Variants in LEF1 observed in about 807,000 individuals in gnomAD.
LEF1 encodes lymphoid enhancer binding factor 1.
In LEF1, 14 loss-of-function variants were observed where a neutral mutation model predicts 51.2. The observed-to-expected ratio is 0.27, with a 90% CI of 0.18 to 0.43. The LOEUF is 0.43. Among genes scored for constraint, LEF1 ranks in the 20% least tolerant of loss-of-function variants. LEF1 has a pLI of 1.00. For missense variants in LEF1, 386 were observed against 512.0 expected, an observed-to-expected ratio of 0.75 and a Z score of 2.37; for synonymous variants, 185 against 183.2, an observed-to-expected ratio of 1.01 and a Z score of -0.08.
intron 3 of LEF1, among the ~76,000 whole-genome samples, chr4:108,097,978 A>T (rs1206524420): frequency 6.6e-6 from 1 of 152,196 alleles, no homozygotes; most frequent in African/African-American, 2.4e-5. Context: ...GACATGAGGC[A>T]ACCCCAGGGA....
chr4:108,092,939 A>AC (rs751032339), intron 3 of LEF1, among the ~76,000 whole-genome samples: 5,465 of 90,692 alleles, frequency 0.06, 446 homozygotes, highest in African/African-American at 0.084. Flanking sequence ...AAAAAAAAAA[A>AC]AAAAAAAAAA....
intron 11 of LEF1, among the ~76,000 whole-genome samples, chr4:108,058,561 A>G (rs540969421): frequency 2.4e-4 from 36 of 152,104 alleles, no homozygotes; most frequent in African/African-American, 8.5e-4. Flanking sequence ...CTGTGCTATC[A>G]AACCCCCAAA....
At chr4:108,155,761 G>C (rs1190250178) in intron 3 of LEF1, among the ~76,000 whole-genome samples, 1 of 152,198 alleles carries the variant, frequency 6.6e-6, no homozygotes, top group Non-Finnish European at 1.5e-5. Flanking sequence ...TTCAGAAGAA[G>C]ATGATGGAGA....
chr4:108,053,921 C>T (rs775615797), intron 11 of LEF1, among the ~76,000 whole-genome samples: 1 of 152,212 alleles, frequency 6.6e-6, no homozygotes, highest in Non-Finnish European at 1.5e-5. Flanking sequence ...CCACATTTCT[C>T]TCAACAGACG....
rs150139763 is a variant in LEF1 at position 108,164,272 on chromosome 4, A to G, written c.281-571T>C. Reference sequence around the variant, plus strand: ...TAATTTTATGTGCTACACTTAGATCATTTTGCCAAAAAATTTCTGTTCGAT... The same window carrying G: ...TAATTTTATGTGCTACACTTAGATCGTTTTGCCAAAAAATTTCTGTTCGAT... On this transcript the variant is annotated intron_variant, in intron 2 of 11. Transcript: ENST00000265165. Among the ~76,000 whole-genome samples, 4 of 152,216 alleles carry G rather than the reference A, an allele frequency of 2.6e-5. No homozygotes were observed. In the East Asian group the frequency reaches 7.7e-4, roughly 29 times the overall value.
At chr4:108,106,519 T>G (rs1386692094) in intron 3 of LEF1, among the ~76,000 whole-genome samples, 1 of 152,088 alleles carries the variant, frequency 6.6e-6, no homozygotes, top group African/African-American at 2.4e-5. Context: ...ATTTTCAGTG[T>G]CCAGTGGAAG....
intron 4 of LEF1, among the ~76,000 whole-genome samples, chr4:108,084,689 G>A (rs928680288): frequency 1.3e-5 from 2 of 152,162 alleles, no homozygotes; most frequent in African/African-American, 4.8e-5. Context: ...ATCATCTCAT[G>A]TTTTGCTGTT....
intron 3 of LEF1, among the ~76,000 whole-genome samples, chr4:108,160,157 T>C (rs998910598): frequency 6.6e-6 from 1 of 152,210 alleles, no homozygotes; most frequent in Non-Finnish European, 1.5e-5. Context: ...CCACAGTGCA[T>C]TAGGCCAGTG....
chr4:108,090,629 C>A (rs574303070), intron 3 of LEF1, among the ~76,000 whole-genome samples: 2 of 152,104 alleles, frequency 1.3e-5, no homozygotes, highest in South Asian at 2.1e-4. Flanking sequence ...TATTCTGATA[C>A]CTGTATAAAA....
chr4:108,111,486 C>A lies in LEF1; in HGVS notation c.415-22229G>T, dbSNP rs146949887. Among the ~76,000 whole-genome samples, 365 of 152,214 alleles carry A rather than the reference C, an allele frequency of 2.4e-3. 1 individual carries two copies. The highest frequency in any genetic ancestry group is 6.8e-3 in the Middle Eastern group (2 of 294). ...AGGAGGGGAAAACAGGAGATGCCTGCAAAAAGTGATTCTTTATCTTTTGTA... is the reference window on the plus strand; with the variant it reads ...AGGAGGGGAAAACAGGAGATGCCTGAAAAAAGTGATTCTTTATCTTTTGTA... On this transcript the variant is annotated intron_variant, in intron 3 of 11. Coordinates refer to ENST00000265165, the MANE Select transcript of LEF1 (RefSeq NM_016269.5).
At chr4:108,058,311 G>C (rs1737441430) in intron 11 of LEF1, among the ~76,000 whole-genome samples, 1 of 152,022 alleles carries the variant, frequency 6.6e-6, no homozygotes, top group Admixed American at 6.5e-5. Flanking sequence ...TATTTGTTTT[G>C]ATAAAGTAAA....
chr4:108,095,836 T>C (rs750741794), intron 3 of LEF1, among the ~76,000 whole-genome samples: 9 of 152,144 alleles, frequency 5.9e-5, no homozygotes, highest in Non-Finnish European at 2.9e-5. Flanking sequence ...AGGAGACCCA[T>C]TGTTTTCAGT....
At chr4:108,142,582 T>C (rs1457948423) in intron 3 of LEF1, among the ~76,000 whole-genome samples, 1 of 152,206 alleles carries the variant, frequency 6.6e-6, no homozygotes. Context: ...CATTGTGTAA[T>C]TCATCCATTA....
chr4:108,166,843 T>C (rs1330566786), intron 1 of LEF1: 7 of 984,470 alleles, frequency 7.1e-6, no homozygotes, highest in South Asian at 4.7e-5. Flanking sequence ...AAAACTAGAG[T>C]TGGGGGCGGT....
At chr4:108,165,003 A>G in intron 2 of LEF1, 94 bp downstream of exon 2, 1 of 1,042,812 alleles carries the variant, frequency 9.6e-7, no homozygotes, top group South Asian at 1.3e-5. Context: ...ACCTAGTCCC[A>G]GTTTCTTGAA....
chr4:108,050,127 A>G (rs1042964874), intron 11 of LEF1, among the ~76,000 whole-genome samples: 3 of 152,226 alleles, frequency 2.0e-5, no homozygotes, highest in African/African-American at 7.2e-5. Flanking sequence ...CCAACAAAAA[A>G]CAAAATAGGA....
At chr4:108,134,937 T>G (rs963348199) in intron 3 of LEF1, among the ~76,000 whole-genome samples, 2 of 152,192 alleles carry the variant, frequency 1.3e-5, no homozygotes, top group African/African-American at 4.8e-5. Flanking sequence ...GGGATACAGA[T>G]GCCTGCCTTT....
At chr4:108,138,550 T>C (rs968152023) in intron 3 of LEF1, among the ~76,000 whole-genome samples, 1 of 152,132 alleles carries the variant, frequency 6.6e-6, no homozygotes, top group Non-Finnish European at 1.5e-5. Flanking sequence ...ACAGCTTACC[T>C]AGCATATACA....
chr4:108,108,065 G>T (rs1361783182), intron 3 of LEF1, among the ~76,000 whole-genome samples: 1 of 152,190 alleles, frequency 6.6e-6, no homozygotes, highest in African/African-American at 2.4e-5. Flanking sequence ...AGTGAGGCTG[G>T]TCTTCGCTTT....
Sources: allele counts gnomAD v4.1 joint callset (sites outside exome capture counted in the v4.1 genomes callset), GRCh38; gene constraint gnomAD v4.1.1; transcripts MANE v1.5; gene names NCBI Gene and HGNC (gene_info 2026-07-23, HGNC 2026-07-21).